YBEY: variants seen among roughly 807,000 people sequenced by gnomAD.
The protein encoded by YBEY is ybeY metalloendoribonuclease, also known as endoribonuclease YbeY.
Under a neutral mutation model 13.5 loss-of-function variants are expected in YBEY, and 15 were observed. The ratio of observed to expected loss-of-function variants is 1.11; its 90% CI spans 0.75 to 1.72. The LOEUF (loss-of-function observed/expected upper bound fraction) is 1.72, where lower values mean the gene tolerates loss of function less well. YBEY is among the 40% of genes most tolerant of loss of function. YBEY has a pLI of 0.00. For missense variants in YBEY, 244 were observed against 208.4 expected, an observed-to-expected ratio of 1.17 and a Z score of -1.05; for synonymous variants, 101 against 83.1, an observed-to-expected ratio of 1.21 and a Z score of -1.17.
At chr21:46,306,967 C>A in the YBEY span, among the ~76,000 whole-genome samples, 1 of 151,970 alleles carries the variant, frequency 6.6e-6, no homozygotes, top group Non-Finnish European at 1.5e-5. Flanking sequence ...GTGATCTCAG[C>A]TCACTGCAGC....
the YBEY span, chr21:46,311,616 T>C: frequency 2.6e-6 from 3 of 1,167,708 alleles, no homozygotes; most frequent in African/African-American, 1.5e-5. Flanking sequence ...TTGAAGAAAG[T>C]GTCTCCAGTA....
Position 46,295,904 on chromosome 21 carries a change from T to C in YBEY, c.340-258T>C, listed in dbSNP as rs570553872. On this transcript the variant is annotated intron_variant, in intron 3 of 4. Coordinates refer to ENST00000397701, the MANE Select transcript of YBEY (RefSeq NM_001314025.2). Reference sequence around the variant, plus strand: ...CTCCTGCGGCTGGGCAGTTCCATCCTGGGGGCCCCTCCCCAGCACAGTGCT... The same window carrying C: ...CTCCTGCGGCTGGGCAGTTCCATCCCGGGGGCCCCTCCCCAGCACAGTGCT... Among the ~76,000 whole-genome samples, 550 of 142,750 alleles carry C rather than the reference T, an allele frequency of 3.9e-3. 2 individuals are homozygous for C. The highest frequency in any genetic ancestry group is 0.014 in the African/African-American group (514 of 37,980). The allele number at this position is 142,750 out of a possible 152,430, so 93.6% of individuals were successfully genotyped here.
At chr21:46,301,968 G>A (rs1258268276), downstream of YBEY, 2 of 1,486,128 alleles carry the variant, frequency 1.3e-6, no homozygotes, top group Non-Finnish European at 1.8e-6. Flanking sequence ...GGGGTGGAGG[G>A]TGCCCCGGCC....
Position 46,297,551 on chromosome 21 carries a change from G to A in YBEY, c.421G>A (p.Glu141Lys). 9.3e-6 allele frequency: 13 copies of A among 1,396,362 alleles called. No individual in the cohort carries two copies. The highest frequency in any genetic ancestry group is 1.2e-5 in the Non-Finnish European group (13 of 1,062,976). 86.5% of individuals were successfully genotyped at this position (1,396,362 alleles called of 1,614,324 possible). Reference protein sequence around the residue: ...EAEWQQMFQKEKAVLDELGRR... With the variant: ...EAEWQQMFQKKKAVLDELGRR... Reference sequence around the variant, plus strand: ...TCCTTCCTTCCAGATGTTCCAGAAGGAGAAGGCGGTGCTGGACGAGCTGGG... The same window carrying A: ...TCCTTCCTTCCAGATGTTCCAGAAGAAGAAGGCGGTGCTGGACGAGCTGGG... Residue 141 changes from glutamate (E) to lysine (K), a missense_variant, in exon 5 of 5, where the codon GAG (glutamate) becomes AAG (lysine). Glu to Lys is a moderately conservative substitution (Grantham distance 56). Transcript: ENST00000397701.
chr21:46,296,737 G>C (rs2081965793), intron 4 of YBEY, among the ~76,000 whole-genome samples: 1 of 152,176 alleles, frequency 6.6e-6, no homozygotes, highest in South Asian at 2.1e-4. Context: ...GCTCACGCCT[G>C]TAATCCCAGC....
downstream of YBEY, chr21:46,300,569 A>G: frequency 9.8e-7 from 1 of 1,015,602 alleles, no homozygotes; most frequent in Non-Finnish European, 1.2e-6. Flanking sequence ...AGAGGCACGA[A>G]AAGATGGTTC....
intron 2 of YBEY, among the ~76,000 whole-genome samples, chr21:46,287,542 G>A (rs972301327): frequency 2.6e-5 from 4 of 152,158 alleles, no homozygotes; most frequent in South Asian, 4.2e-4. Context: ...AGGCTCCATG[G>A]TGCCTATAAG....
At chr21:46,287,233 T>C in intron 2 of YBEY, 110 bp downstream of exon 2, 1 of 1,115,768 alleles carries the variant, frequency 9.0e-7, no homozygotes, top group Non-Finnish European at 1.2e-6. Flanking sequence ...TCTTGCTCTG[T>C]CACCCAGGCT....
chr21:46,305,568 G>A, the YBEY span, among the ~76,000 whole-genome samples: 1 of 152,034 alleles, frequency 6.6e-6, no homozygotes, highest in Non-Finnish European at 1.5e-5. Flanking sequence ...AGGCTCAAGT[G>A]ATCCTCCCAT....
chr21:46,286,799 C>T (rs1473788381), intron 1 of YBEY, 71 bp from the exon 2 acceptor site: 4 of 848,190 alleles, frequency 4.7e-6, no homozygotes, highest in Admixed American at 2.7e-5. Flanking sequence ...TCTGATTGCG[C>T]GTGCATCTGT....
chr21:46,298,422 C>T (rs942611254), downstream of YBEY, among the ~76,000 whole-genome samples: 1 of 115,884 alleles, frequency 8.6e-6, no homozygotes, highest in East Asian at 2.3e-4. Flanking sequence ...ATGGAGTCAG[C>T]TTTAATCCAA....
intron 1 of YBEY, 40 bp from the exon 2 acceptor site, chr21:46,286,830 C>G: frequency 8.0e-7 from 1 of 1,257,648 alleles, no homozygotes; most frequent in Non-Finnish European, 1.1e-6. Flanking sequence ...ACCGTATTAT[C>G]ACTTGTACTG....
At chr21:46,298,356 TTC>T (rs2082016651), downstream of YBEY, among the ~76,000 whole-genome samples, 1 of 152,120 alleles carries the variant, frequency 6.6e-6, no homozygotes, top group Non-Finnish European at 1.5e-5. Flanking sequence ...GTGAAGAGCG[TTC>T]TGTTTACTGT....
chr21:46,298,434 C>CTTTTTTTTTTTTTTGTTTTTTTTTT (rs557264546), downstream of YBEY, among the ~76,000 whole-genome samples: 1 of 97,160 alleles, frequency 1.0e-5, no homozygotes, highest in African/African-American at 3.6e-5. Context: ...TTAATCCAAG[C>CTTTTTTTTTTTTTTGTTTTTTTTTT]TTTTTTTTTT....
chr21:46,297,454 G>A (rs1171085048), intron 4 of YBEY, 85 bp from the exon 5 acceptor site: 5 of 1,244,116 alleles, frequency 4.0e-6, no homozygotes, highest in African/African-American at 1.6e-5. Context: ...AAACCCTGTG[G>A]GAGGGGCATC....
At chr21:46,298,434 C>CTTTTTTT (rs557264546), downstream of YBEY, among the ~76,000 whole-genome samples, 41 of 97,178 alleles carry the variant, frequency 4.2e-4, 8 homozygotes, top group Admixed American at 2.3e-3. Context: ...TTAATCCAAG[C>CTTTTTTT]TTTTTTTTTT....
rs969669002 is a variant in YBEY, at chr21:46,296,221, G to C, written c.399G>C (p.Glu133Asp). The stretch of plus-strand genomic sequence containing the variant: ...GATTCACACACGGCACGGAGGCAGA[G>C]TGGCAGCAGGTAAGGAGCCCATCCA... ...LLGFTHGTEA[E>D]WQQMFQKEKA... Residue 133 changes from glutamate to aspartate, a missense_variant, in exon 4 of 5, where the codon GAG becomes GAC. Physicochemically the swap from Glu to Asp is conservative, Grantham distance 45 (BLOSUM62 2). Transcript: ENST00000397701. 6.2e-7 allele frequency: 1 copy of C among 1,613,682 alleles called. No homozygotes were observed. The highest frequency in any genetic ancestry group is 1.1e-5 in the South Asian group (1 of 91,088).
intron 3 of YBEY, chr21:46,291,749 A>C: frequency 8.8e-7 from 1 of 1,139,796 alleles, no homozygotes; most frequent in Non-Finnish European, 1.1e-6. Flanking sequence ...GCTAACACAG[A>C]CCTGCTGAAT....
At chr21:46,301,058 T>G (rs1031748292), downstream of YBEY, 1 of 1,035,658 alleles carries the variant, frequency 9.7e-7, no homozygotes, top group Non-Finnish European at 1.2e-6. Context: ...TGTAGAGATT[T>G]CTGCATTTAT....
Sources: allele counts gnomAD v4.1 joint callset (sites outside exome capture counted in the v4.1 genomes callset), GRCh38; gene constraint gnomAD v4.1.1; transcripts MANE v1.5; gene names NCBI Gene and HGNC (gene_info 2026-07-23, HGNC 2026-07-21).